Variants in LTN1 observed in about 807,000 individuals in gnomAD.
LTN1 encodes the protein E3 ubiquitin-protein ligase listerin.
Under a neutral mutation model 201.2 loss-of-function variants are expected in LTN1, and 88 were observed. That is an observed-to-expected ratio of 0.44 (90% CI 0.37 to 0.52). The LOEUF (loss-of-function observed/expected upper bound fraction) is 0.52, where lower values mean the gene tolerates loss of function less well. Among genes scored for constraint, LTN1 ranks in the 20% least tolerant of loss-of-function variants. The pLI is 0.00. For synonymous variants in LTN1, 645 were observed against 713.5 expected (o/e 0.90, Z 1.53); for missense variants, 1,752 against 2,038.7 (o/e 0.86, Z 2.71).
At chr21:28,979,036 G>A (rs141022250) in intron 6 of LTN1, among the ~76,000 whole-genome samples, 1 of 152,210 alleles carries the variant, frequency 6.6e-6, no homozygotes, top group African/African-American at 2.4e-5. Context: ...AGAATATAAG[G>A]TTATGTAGTA....
intron 6 of LTN1, among the ~76,000 whole-genome samples, chr21:28,971,861 G>C (rs1302726032): frequency 2.0e-5 from 3 of 152,078 alleles, no homozygotes; most frequent in African/African-American, 7.2e-5. Flanking sequence ...AGGAACAAAA[G>C]TTTTAAAAAA....
chr21:28,939,918 G>C (rs751984552), intron 25 of LTN1, among the ~76,000 whole-genome samples: 20 of 152,182 alleles, frequency 1.3e-4, no homozygotes, highest in Non-Finnish European at 4.4e-5. Context: ...TTAACAGCTA[G>C]ATCAATGCTG....
intron 16 of LTN1, 85 bp from the exon 17 acceptor site, chr21:28,953,461 A>C (rs2146281350): frequency 2.0e-6 from 2 of 995,224 alleles, no homozygotes; most frequent in East Asian, 5.3e-5. Flanking sequence ...CTTGTTTTCT[A>C]ACACTGTTGT....
intron 6 of LTN1, among the ~76,000 whole-genome samples, chr21:28,980,523 C>T (rs1224410664): frequency 6.7e-6 from 1 of 150,130 alleles, no homozygotes; most frequent in Non-Finnish European, 1.5e-5. Flanking sequence ...TGCACATGTA[C>T]CCTAAAACTT....
At chr21:28,985,383 C>T (rs2084690311) in intron 3 of LTN1, among the ~76,000 whole-genome samples, 1 of 151,632 alleles carries the variant, frequency 6.6e-6, no homozygotes, top group East Asian at 2.0e-4. Flanking sequence ...ATCACTTGAA[C>T]CCAGGAGACA....
chr21:28,968,522 T>C (rs966898473), intron 9 of LTN1, among the ~76,000 whole-genome samples: 4 of 152,214 alleles, frequency 2.6e-5, no homozygotes, highest in Admixed American at 6.5e-5. Context: ...TTGAGTATTT[T>C]AGAATTAACA....
chr21:28,955,974 T>G (rs1206236351), intron 16 of LTN1, among the ~76,000 whole-genome samples: 1 of 143,518 alleles, frequency 7.0e-6, no homozygotes, highest in East Asian at 2.0e-4. Flanking sequence ...TGCAGCAACA[T>G]GGATGAAACT....
intron 26 of LTN1, among the ~76,000 whole-genome samples, 169 bp downstream of exon 26, chr21:28,936,357 A>G (rs1332205595): frequency 6.6e-6 from 1 of 152,244 alleles, no homozygotes. Flanking sequence ...TTATGGGTAA[A>G]AACTAATTAT....
chr21:28,991,969 G>C (rs76319648), intron 1 of LTN1, among the ~76,000 whole-genome samples: 5,203 of 152,308 alleles, frequency 0.034, 126 homozygotes, highest in Non-Finnish European at 0.055. Context: ...CTTAGTGAGC[G>C]TCTATTAGGT....
intron 11 of LTN1, 101 bp from the exon 12 acceptor site, chr21:28,960,807 C>T (rs2084471562): frequency 2.6e-6 from 2 of 761,712 alleles, no homozygotes; most frequent in Non-Finnish European, 4.2e-6. Context: ...GTTATCATGG[C>T]TCCAATTCTA....
chr21:28,955,022 A>G (rs1418569933), intron 16 of LTN1, among the ~76,000 whole-genome samples: 1 of 152,222 alleles, frequency 6.6e-6, no homozygotes, highest in Non-Finnish European at 1.5e-5. Context: ...AAATATTTGC[A>G]AACTATTCAT....
chr21:28,965,831 CAAAA>C (rs71335064), intron 11 of LTN1, 30 bp downstream of exon 11: 2 of 902,210 alleles, frequency 2.2e-6, no homozygotes, highest in Non-Finnish European at 3.1e-6. Flanking sequence ...CCCATAAATA[CAAAA>C]AAAAAAAGAA....
At chr21:28,974,770 C>A (rs974019192) in intron 6 of LTN1, among the ~76,000 whole-genome samples, 11 of 152,146 alleles carry the variant, frequency 7.2e-5, no homozygotes, top group Non-Finnish European at 1.3e-4. Flanking sequence ...TATCTCTGAA[C>A]CATGCATGTG....
At chr21:28,952,667 T>A (rs1313880551) in intron 17 of LTN1, among the ~76,000 whole-genome samples, 1 of 152,160 alleles carries the variant, frequency 6.6e-6, no homozygotes, top group Non-Finnish European at 1.5e-5. Context: ...CTAAGTAGAA[T>A]GCGATTGGAA....
At chr21:28,939,226 G>A (rs943540578) in intron 25 of LTN1, among the ~76,000 whole-genome samples, 6 of 152,164 alleles carry the variant, frequency 3.9e-5, no homozygotes, top group African/African-American at 1.4e-4. Context: ...GATGTGCATA[G>A]GTTAGATGCA....
At chr21:28,967,268 C>A in intron 9 of LTN1, 89 bp from the exon 10 acceptor site, 1 of 902,158 alleles carries the variant, frequency 1.1e-6, no homozygotes, top group Non-Finnish European at 1.7e-6. Context: ...TTGGAATCTC[C>A]AAAGTGATAT....
chr21:28,950,161 A>G (rs1354208624), intron 18 of LTN1, among the ~76,000 whole-genome samples: 1 of 152,192 alleles, frequency 6.6e-6, no homozygotes, highest in Non-Finnish European at 1.5e-5. Flanking sequence ...CACTGAAATT[A>G]TAGATTGACA....
intron 26 of LTN1, 104 bp downstream of exon 26, chr21:28,936,422 G>T (rs1014558345): frequency 1.2e-6 from 1 of 851,070 alleles, no homozygotes; most frequent in Non-Finnish European, 1.8e-6. Flanking sequence ...CTCATAGCCA[G>T]GACCCACCTT....
Position 28,935,323 on chromosome 21 carries a change from G to A in LTN1, c.4661C>T (p.Thr1554Ile), listed in dbSNP as rs1159978063. Residue 1554 changes from threonine (T) to isoleucine (I), a missense_variant, in exon 27 of 30, where the codon ACA becomes ATA. By Grantham distance (89) the Thr-to-Ile change is moderately conservative (BLOSUM62 -1). Transcript: ENST00000361371. ...EELQLSIRET[T>I]MLPYHIPHLA... ...GTGTGGAATGTGGTATGGAAGCATT[G>A]TTGTTTCTGAGGAAAAAACAAATTA... 1.9e-6 allele frequency: 3 copies of A among 1,609,850 alleles called. No homozygotes were observed. The African/African-American group carries it at 4.0e-5, about 22-fold the overall frequency.
Sources: allele counts gnomAD v4.1 joint callset (sites outside exome capture counted in the v4.1 genomes callset), GRCh38; gene constraint gnomAD v4.1.1; transcripts MANE v1.5; gene names NCBI Gene and HGNC (gene_info 2026-07-23, HGNC 2026-07-21).